The following SWT1 variants were observed in gnomAD, a reference collection of about 807,000 sequenced individuals.
The protein encoded by SWT1 is SWT1 RNA endoribonuclease homolog.
In SWT1, 33 loss-of-function variants were observed where a neutral mutation model predicts 107.3. The observed-to-expected ratio is 0.31, with a 90% CI of 0.23 to 0.41. SWT1 has a LOEUF of 0.41. Ranked by LOEUF, SWT1 falls within the 10% of genes least tolerant of loss-of-function variation. The pLI is 1.00. For synonymous variants in SWT1, 345 were observed against 348.3 expected (o/e 0.99, Z 0.11); for missense variants, 898 against 1,028.9 (o/e 0.87, Z 1.74).
intron 4 of SWT1, among the ~76,000 whole-genome samples, chr1:185,174,013 C>G (rs961243452): frequency 2.0e-5 from 3 of 151,974 alleles, no homozygotes; most frequent in African/African-American, 2.4e-5. Flanking sequence ...AGAGTGAGAA[C>G]CCGTCTCAAA....
intron 18 of SWT1, among the ~76,000 whole-genome samples, chr1:185,290,028 G>A (rs1438025377): frequency 6.6e-6 from 1 of 152,022 alleles, no homozygotes; most frequent in Non-Finnish European, 1.5e-5. Flanking sequence ...ACTTTTGGAG[G>A]CTAACATGGG....
At chr1:185,170,400 C>T (rs554992209) in intron 4 of SWT1, among the ~76,000 whole-genome samples, 13 of 152,318 alleles carry the variant, frequency 8.5e-5, no homozygotes, top group African/African-American at 2.4e-4. Context: ...ACTGTTTGTA[C>T]AATGACTTCT....
rs949796179 is a variant in SWT1 at position 185,190,608 on chromosome 1, G to A, written c.1489G>A (p.Glu497Lys). 5 of 1,609,916 alleles carry A rather than the reference G, an allele frequency of 3.1e-6. No homozygotes were observed. Among genetic ancestry groups the A allele is most frequent in the Non-Finnish European group, 4.2e-6 (5 of 1,176,650 alleles). The change falls in exon 10 of 19, where the codon GAA becomes AAA. Residue 497 changes from glutamate to lysine, a missense_variant. Transcript: ENST00000367500. ...RVLKCCLQHQELFPCSFVILC... is the reference protein window; with the variant it reads ...RVLKCCLQHQKLFPCSFVILC... ...ACTAAAATGCTGTCTCCAGCACCAG[G>A]AATTATTCCCTTGTTCTTTTGTTAT...
rs780814860 is a variant in SWT1, at chr1:185,214,510, A to G, written c.1976A>G (p.Asn659Ser). Residue 659 changes from asparagine (N) to serine (S), a missense_variant, in exon 14 of 19, where the codon AAT becomes AGT. Asn to Ser is a conservative substitution (Grantham distance 46). Around this residue, in one of 6 missense-constraint regions of SWT1, gnomAD observed 382 missense variants for 460.0 expected, o/e 0.83. Transcript: ENST00000367500. Reference protein sequence around the residue: ...ESLYKNLRKANKAVDFTTVKF... With the variant: ...ESLYKNLRKASKAVDFTTVKF... ...TGTCTTAATTTTCTGTTACCAGCTA[A>G]TAAGGCAGTGGATTTTACAACAGTC... is the stretch of plus-strand genomic sequence containing the variant. The G allele has an allele frequency of 1.9e-6, 3 of 1,606,564 alleles. No individual in the cohort carries two copies. The highest frequency in any genetic ancestry group is 4.5e-5 in the East Asian group (2 of 44,676).
At chr1:185,159,827 C>T (rs370976321) in intron 1 of SWT1, among the ~76,000 whole-genome samples, 31 of 152,176 alleles carry the variant, frequency 2.0e-4, no homozygotes, top group South Asian at 1.2e-3. Context: ...CAGGTTCAAG[C>T]GATTCACCTC....
intron 16 of SWT1, among the ~76,000 whole-genome samples, chr1:185,236,429 T>C (rs545995151): frequency 6.6e-6 from 1 of 152,250 alleles, no homozygotes; most frequent in Non-Finnish European, 1.5e-5. Flanking sequence ...TCTACAACCA[T>C]TTGATCTTTG....
intron 17 of SWT1, among the ~76,000 whole-genome samples, chr1:185,273,901 G>C: frequency 6.6e-6 from 1 of 151,986 alleles, no homozygotes; most frequent in East Asian, 1.9e-4. Flanking sequence ...TGACTCAGGA[G>C]GCTGGAGGTG....
At chr1:185,263,095 CTCT>C (rs1663142483) in intron 16 of SWT1, among the ~76,000 whole-genome samples, 2 of 152,116 alleles carry the variant, frequency 1.3e-5, no homozygotes, top group Admixed American at 1.3e-4. Context: ...CCCAAATTTT[CTCT>C]TCTTATTAGG....
chr1:185,178,060 C>A (rs2102360953), intron 5 of SWT1, among the ~76,000 whole-genome samples: 1 of 152,196 alleles, frequency 6.6e-6, no homozygotes, highest in South Asian at 2.1e-4. Flanking sequence ...AAGTAAATAC[C>A]ACAGTCCTAC....
chr1:185,229,769 G>A (rs1470739084), intron 15 of SWT1, among the ~76,000 whole-genome samples: 1 of 151,854 alleles, frequency 6.6e-6, no homozygotes, highest in Non-Finnish European at 1.5e-5. Context: ...TCTCTTTTTA[G>A]GCTTTAAATT....
At chr1:185,236,551 C>G (rs962100801) in intron 16 of SWT1, among the ~76,000 whole-genome samples, 2 of 152,132 alleles carry the variant, frequency 1.3e-5, no homozygotes, top group African/African-American at 2.4e-5. Context: ...TTCCTTACAC[C>G]TTACACAAAA....
chr1:185,208,137 G>A (rs1658481234), intron 13 of SWT1, among the ~76,000 whole-genome samples: 1 of 152,120 alleles, frequency 6.6e-6, no homozygotes, highest in South Asian at 2.1e-4. Context: ...AAGAATAGGA[G>A]ATGATTAATC....
chr1:185,278,237 G>A (rs1558098955), intron 18 of SWT1, among the ~76,000 whole-genome samples: 1 of 152,180 alleles, frequency 6.6e-6, no homozygotes, highest in African/African-American at 2.4e-5. Flanking sequence ...CAATATGATA[G>A]TATCAGAAGA....
chr1:185,176,210 C>T (rs1301567220), intron 5 of SWT1, among the ~76,000 whole-genome samples: 2 of 145,702 alleles, frequency 1.4e-5, no homozygotes, highest in Non-Finnish European at 3.0e-5. Flanking sequence ...ATCACTTGAG[C>T]CCAGGAGCTC....
chr1:185,262,786 CTTTT>C (rs572086827), intron 16 of SWT1, among the ~76,000 whole-genome samples: 8 of 135,446 alleles, frequency 5.9e-5, no homozygotes, highest in East Asian at 2.1e-4. Context: ...TTTCTTCTTT[CTTTT>C]TTTTTTTTTT....
intron 16 of SWT1, among the ~76,000 whole-genome samples, chr1:185,256,111 C>G (rs1331047854): frequency 8.6e-5 from 13 of 150,358 alleles, no homozygotes; most frequent in Non-Finnish European, 1.6e-4. Context: ...TATTGGCCCC[C>G]ACTCTCTTCT....
chr1:185,257,371 T>TC (rs1465215051), intron 16 of SWT1, among the ~76,000 whole-genome samples: 3 of 151,992 alleles, frequency 2.0e-5, no homozygotes, highest in African/African-American at 7.3e-5. Context: ...AGGGCGCCCC[T>TC]CCCCCAGCCT....
chr1:185,184,425 C>A, intron 8 of SWT1, 81 bp downstream of exon 8: 1 of 823,962 alleles, frequency 1.2e-6, no homozygotes, highest in Non-Finnish European at 2.0e-6. Flanking sequence ...GCTTTTTTTG[C>A]CATGAACATG....
intron 10 of SWT1, among the ~76,000 whole-genome samples, chr1:185,194,850 T>C (rs1657250726): frequency 6.6e-6 from 1 of 152,186 alleles, no homozygotes; most frequent in African/African-American, 2.4e-5. Flanking sequence ...GTCAGATAGC[T>C]TCAGTATCTG....
Sources: allele counts gnomAD v4.1 joint callset (sites outside exome capture counted in the v4.1 genomes callset), GRCh38; gene constraint gnomAD v4.1.1; regional missense constraint gnomAD v4.1.1; transcripts MANE v1.5; gene names NCBI Gene and HGNC (gene_info 2026-07-23, HGNC 2026-07-21).